The following NAE1 variants were observed in gnomAD, a reference collection of about 807,000 sequenced individuals.
NAE1 encodes NEDD8-activating enzyme E1 regulatory subunit.
A neutral mutation model predicts 88.0 loss-of-function variants in NAE1; 59 were observed. The observed-to-expected ratio is 0.67, with a 90% confidence interval of 0.54 to 0.83. The LOEUF is 0.83. Among genes scored for constraint, NAE1 ranks in the 40% least tolerant of loss-of-function variants. The pLI is 0.00. For missense variants in NAE1, 554 were observed against 632.8 expected (o/e 0.88, Z 1.34); for synonymous variants, 186 against 208.9 (o/e 0.89, Z 0.95).
At position 66,821,452 on chromosome 16, in the gene NAE1, G is replaced by A. The variant is rs865912486; in HGVS notation, c.509C>T (p.Pro170Leu). 1.9e-6 allele frequency: 3 copies of A among 1,556,650 alleles called. No individual in the cohort carries two copies. The African/African-American group carries it at 4.2e-5, about 22-fold the overall frequency. ...GYMRIIIKEHPVIESHPDNAL... is the reference protein window; with the variant it reads ...GYMRIIIKEHLVIESHPDNAL... ...GCCCATATGCTCAACAATTTTACCT[G>A]GATGTTCTTTTATAATGATCCTCAT... Residue 170 changes from proline to leucine, a missense_variant and splice_region_variant, in exon 7 of 20, where the codon CCA becomes CTA. Transcript: ENST00000290810.
intron 1 of NAE1, chr16:66,828,082 A>G (rs1265551816): frequency 1.9e-6 from 3 of 1,609,244 alleles, no homozygotes; most frequent in Admixed American, 3.3e-5. Context: ...AATCGCCTAG[A>G]AGAACCAGAT....
At position 66,826,601 on chromosome 16, in the gene NAE1, G is replaced by C. The variant is rs550221117; in HGVS notation, c.158-18C>G. ...ACCAATACCTGAGAGCCAAAACAGA[G>C]TCAGTCAGGAATACATAGTTCTAGG... On this transcript the variant is annotated intron_variant, in intron 2 of 19. Transcript: ENST00000290810. 4 of 1,614,086 alleles carry C rather than the reference G, an allele frequency of 2.5e-6. No individual in the cohort carries two copies. The highest frequency in any genetic ancestry group is 2.2e-5 in the East Asian group (1 of 44,868).
At chr16:66,828,319 C>T (rs762248113) in intron 1 of NAE1, among the ~76,000 whole-genome samples, 2 of 151,554 alleles carry the variant, frequency 1.3e-5, no homozygotes, top group Non-Finnish European at 2.9e-5. Context: ...AGTGAAACCC[C>T]GTCTCTACTA....
At position 66,806,322 on chromosome 16, in the gene NAE1, T is replaced by A. The variant is rs183039049; in HGVS notation, c.1331-296A>T. 2.5e-3 allele frequency among the ~76,000 whole-genome samples: 378 copies of A among 152,318 alleles called. 1 individual carries two copies. The highest frequency in any genetic ancestry group is 4.2e-3 in the Non-Finnish European group (287 of 68,028). On this transcript the variant is annotated intron_variant, in intron 17 of 19. Coordinates refer to ENST00000290810, the MANE Select transcript of NAE1 (RefSeq NM_003905.4). Reference sequence around the variant, plus strand: ...TTATTTGATAGAAGAACTTAATGAATGAGAAAGTAATGTCCTACTTATACC... The same window carrying A: ...TTATTTGATAGAAGAACTTAATGAAAGAGAAAGTAATGTCCTACTTATACC...
At position 66,813,563 on chromosome 16, in the gene NAE1, C is replaced by T. The variant is rs1959908832; in HGVS notation, c.1034+1G>A. ...TACATAGTTTGAAAACAGTGACATA[C>T]ACGTTTTGCAGTTTTATATATTTGC... On this transcript the variant is annotated splice_donor_variant, in intron 13 of 19. Coordinates refer to ENST00000290810, the MANE Select transcript of NAE1 (RefSeq NM_003905.4). LOFTEE classifies it high-confidence loss of function. 1 of 1,607,968 alleles carries T rather than the reference C, an allele frequency of 6.2e-7. No individual in the cohort carries two copies. The highest frequency in any genetic ancestry group is 1.3e-5 in the African/African-American group (1 of 74,834).
intron 1 of NAE1, among the ~76,000 whole-genome samples, chr16:66,827,082 TA>T (rs1960489587): frequency 6.6e-6 from 1 of 152,062 alleles, no homozygotes. Context: ...AACAAACATT[TA>T]AAAAGCGTCT....
chr16:66,824,364 G>A (rs1026743327), intron 4 of NAE1, among the ~76,000 whole-genome samples: 21 of 152,064 alleles, frequency 1.4e-4, no homozygotes, highest in African/African-American at 4.8e-4. Context: ...AGGCTGAAGC[G>A]GGTGGATCAC....
chr16:66,827,967 C>G (rs754154925), intron 1 of NAE1: 4 of 1,606,416 alleles, frequency 2.5e-6, no homozygotes, highest in South Asian at 1.1e-5. Context: ...ACTACAGGCA[C>G]AAGCCACTGT....
chr16:66,821,044 G>C (rs1459620378), intron 7 of NAE1, among the ~76,000 whole-genome samples: 1 of 152,180 alleles, frequency 6.6e-6, no homozygotes, highest in African/African-American at 2.4e-5. Flanking sequence ...ACTCCAGCCT[G>C]GGCAACAAGA....
rs376286376 is a variant in NAE1 at position 66,816,760 on chromosome 16, C to A, written c.749-88G>T. 4.3e-5 allele frequency: 56 copies of A among 1,292,274 alleles called. No homozygotes were observed. In the South Asian group the frequency reaches 6.2e-4, roughly 14 times the overall value. 80.1% of individuals were successfully genotyped at this position (1,292,274 alleles called of 1,614,324 possible). A position where few individuals can be genotyped will look rare whatever the true frequency, so the allele number is the denominator to read the frequency against. On this transcript the variant is annotated intron_variant, in intron 10 of 19. Coordinates refer to ENST00000290810, the MANE Select transcript of NAE1 (RefSeq NM_003905.4). ...ATAAAAATAACCTTGTCAGATCCTG[C>A]AGAATATTAAATCTTAAGAAGAAAT...
chr16:66,825,300 AG>A (rs1382111788), intron 3 of NAE1, among the ~76,000 whole-genome samples: 1 of 151,992 alleles, frequency 6.6e-6, no homozygotes, highest in Non-Finnish European at 1.5e-5. Flanking sequence ...ACAAAAAATT[AG>A]CCGGGCGTGG....
chr16:66,804,406 G>C (rs1959480444), intron 19 of NAE1, among the ~76,000 whole-genome samples: 1 of 152,066 alleles, frequency 6.6e-6, no homozygotes, highest in Admixed American at 6.5e-5. Context: ...TTGCTACTTT[G>C]GCACAAGAGA....
At chr16:66,805,549 G>C (rs1328155735) in intron 19 of NAE1, 3 of 387,172 alleles carry the variant, frequency 7.7e-6, no homozygotes, top group Non-Finnish European at 1.4e-5. Context: ...GGAGGCGAGA[G>C]ATCACTTGAG....
chr16:66,818,625 T>G lies in NAE1; in HGVS notation c.524A>C (p.His175Pro). The change falls in exon 8 of 20, where the codon CAT (histidine) becomes CCT (proline). Residue 175 changes from histidine to proline, a missense_variant. Transcript: ENST00000290810. ...TAGATCCTCTAATGCATTATCTGGA[T>G]GAGATTCTATTACTGTGAAACAAAG... ...IIKEHPVIES[H>P]PDNALEDLRL... The G allele has an allele frequency of 6.2e-7, 1 of 1,606,200 alleles. No homozygotes were observed. Among genetic ancestry groups the G allele is most frequent in the Non-Finnish European group, 8.5e-7 (1 of 1,178,030 alleles).
chr16:66,817,635 T>C, intron 8 of NAE1, 148 bp from the exon 9 acceptor site: 1 of 559,256 alleles, frequency 1.8e-6, no homozygotes, highest in Non-Finnish European at 3.0e-6. Context: ...TAATAAAAAC[T>C]GCTTTACAAA....
intron 19 of NAE1, among the ~76,000 whole-genome samples, chr16:66,804,607 CAGG>C (rs1439043182): frequency 3.3e-5 from 5 of 152,172 alleles, no homozygotes; most frequent in Non-Finnish European, 7.3e-5. Flanking sequence ...GCTCAGTCTA[CAGG>C]AGATCACAGG....
At chr16:66,808,780 A>C in intron 16 of NAE1, 167 bp from the exon 17 acceptor site, 1 of 632,038 alleles carries the variant, frequency 1.6e-6, no homozygotes. Context: ...CACACAATGG[A>C]CTCAGTGACC....
rs771383681 is a variant in NAE1 at position 66,808,989 on chromosome 16, T to C, written c.1237A>G (p.Ile413Val). The change falls in exon 16 of 20, where the codon ATT (isoleucine) becomes GTT (valine). Residue 413 changes from isoleucine to valine, a missense_variant and splice_region_variant. Transcript: ENST00000290810. ...GLDTINKDEI[I>V]SSMDNPDNEI... ...AGAATCAGAAGGCTATTATACTTACTAATTTCATCCTTGTTAATTGTATCC... is the reference window on the plus strand; with the variant it reads ...AGAATCAGAAGGCTATTATACTTACCAATTTCATCCTTGTTAATTGTATCC... 1.0e-5 allele frequency: 16 copies of C among 1,592,988 alleles called. No individual in the cohort carries two copies. The highest frequency in any genetic ancestry group is 1.4e-5 in the Non-Finnish European group (16 of 1,163,794).
At chr16:66,816,278 G>A (rs1263973449) in intron 11 of NAE1, among the ~76,000 whole-genome samples, 1 of 152,016 alleles carries the variant, frequency 6.6e-6, no homozygotes, top group African/African-American at 2.4e-5. Context: ...TGATTCTCCT[G>A]CCTCAGCCTC....
Sources: allele counts gnomAD v4.1 joint callset (sites outside exome capture counted in the v4.1 genomes callset), GRCh38; gene constraint gnomAD v4.1.1; transcripts MANE v1.5; gene names NCBI Gene and HGNC (gene_info 2026-07-23, HGNC 2026-07-21).